NRG3: variants seen among roughly 807,000 people sequenced by gnomAD.
NRG3 encodes neuregulin 3.
Under a neutral mutation model 66.9 loss-of-function variants are expected in NRG3, and 31 were observed. That is an observed-to-expected ratio of 0.46 (90% CI 0.35 to 0.63). The LOEUF (loss-of-function observed/expected upper bound fraction) is 0.63, where lower values mean the gene tolerates loss of function less well. Among genes scored for constraint, NRG3 ranks in the 20% least tolerant of loss-of-function variants. The pLI, the probability that NRG3 is intolerant of heterozygous loss-of-function variation, is 0.00. For missense variants in NRG3, 910 were observed against 878.9 expected, an observed-to-expected ratio of 1.04 and a Z score of -0.45; for synonymous variants, 393 against 359.4, an observed-to-expected ratio of 1.09 and a Z score of -1.06.
intron 1 of NRG3, among the ~76,000 whole-genome samples, chr10:82,095,059 G>A (rs1050923667): frequency 2.6e-5 from 4 of 152,092 alleles, no homozygotes; most frequent in African/African-American, 9.7e-5. Context: ...AAAACCTGGA[G>A]CTTTCCCTTG....
chr10:82,726,958 A>G (rs373231265), intron 2 of NRG3, among the ~76,000 whole-genome samples: 97 of 152,266 alleles, frequency 6.4e-4, no homozygotes, highest in African/African-American at 2.3e-3. Context: ...GTTATGTTTT[A>G]CAAAGAGACT....
chr10:82,922,872 A>G (rs1388433707), intron 4 of NRG3, among the ~76,000 whole-genome samples: 1 of 152,154 alleles, frequency 6.6e-6, no homozygotes, highest in Admixed American at 6.5e-5. Flanking sequence ...ATCACCATCC[A>G]TCCATTGACC....
intron 1 of NRG3, among the ~76,000 whole-genome samples, chr10:82,131,522 T>A (rs2068816144): frequency 4.6e-5 from 1 of 21,740 alleles, no homozygotes; most frequent in South Asian, 3.2e-3. Context: ...GTATTCTGGG[T>A]CTTTTGTGGT....
chr10:82,668,299 T>C (rs997610333), intron 2 of NRG3, among the ~76,000 whole-genome samples: 17 of 152,346 alleles, frequency 1.1e-4, no homozygotes, highest in Middle Eastern at 3.4e-3. Context: ...GAGCCAATAA[T>C]AACCACTCTT....
intron 6 of NRG3, among the ~76,000 whole-genome samples, chr10:82,961,816 C>T (rs1188319854): frequency 1.3e-5 from 2 of 152,130 alleles, no homozygotes; most frequent in Non-Finnish European, 2.9e-5. Flanking sequence ...CACCAAGCTT[C>T]CCACCGCAGG....
At chr10:81,940,136 A>G (rs1246574249) in intron 1 of NRG3, among the ~76,000 whole-genome samples, 1 of 152,106 alleles carries the variant, frequency 6.6e-6, no homozygotes, top group Non-Finnish European at 1.5e-5. Context: ...AAGATGCTTA[A>G]TATTAGTTCA....
chr10:81,906,226 C>T (rs1844593182), intron 1 of NRG3, among the ~76,000 whole-genome samples: 1 of 152,020 alleles, frequency 6.6e-6, no homozygotes, highest in Non-Finnish European at 1.5e-5. Context: ...TCATCATCAT[C>T]ATCATCATGT....
rs1251109253 is a variant in NRG3 at position 82,176,906 on chromosome 10, A to ACACACACACAC, written c.824-181833_824-181832insCACACACACAC. Among the ~76,000 whole-genome samples the ACACACACACAC allele has an allele frequency of 2.6e-3, 132 of 51,578 alleles. 3 individuals carry two copies. The East Asian group carries it at 0.037, about 14-fold the overall frequency. 33.8% of individuals were successfully genotyped at this position (51,578 alleles called of 152,430 possible). On this transcript the variant is annotated intron_variant, in intron 1 of 8. Coordinates refer to ENST00000372141, the MANE Select transcript of NRG3 (RefSeq NM_001010848.4). The stretch of plus-strand genomic sequence containing the variant: ...ACACACACACACACACACACACACA[A>ACACACACACAC]ACACACACACACACTCGGAGGGTTT...
At chr10:82,639,117 T>A (rs913025703) in intron 2 of NRG3, among the ~76,000 whole-genome samples, 5 of 152,202 alleles carry the variant, frequency 3.3e-5, no homozygotes, top group Non-Finnish European at 7.3e-5. Flanking sequence ...AAACACAGGA[T>A]ACCATTGTCT....
intron 2 of NRG3, among the ~76,000 whole-genome samples, chr10:82,468,517 G>A (rs1199028686): frequency 6.6e-6 from 1 of 152,156 alleles, no homozygotes; most frequent in African/African-American, 2.4e-5. Flanking sequence ...CCATCTCCCT[G>A]CTGACCACCA....
Position 82,296,197 on chromosome 10 carries a change from T to C in NRG3, c.824-62542T>C, listed in dbSNP as rs149336830. Among the ~76,000 whole-genome samples the C allele has an allele frequency of 4.7e-3, 718 of 152,270 alleles. 6 individuals are homozygous for C. The highest frequency in any genetic ancestry group is 0.017 in the African/African-American group (688 of 41,556). On this transcript the variant is annotated intron_variant, in intron 1 of 8. Coordinates refer to ENST00000372141, the MANE Select transcript of NRG3 (RefSeq NM_001010848.4). ...GGGTGTGGTAAATGTAAAGTCAGTG[T>C]GGCCGCAGCTCAGAGAGGAAGAGGA...
intron 2 of NRG3, among the ~76,000 whole-genome samples, chr10:82,397,759 T>C (rs2086805357): frequency 6.6e-6 from 1 of 152,200 alleles, no homozygotes; most frequent in Non-Finnish European, 1.5e-5. Flanking sequence ...CTTTTTAAGA[T>C]AGATAACATC....
intron 1 of NRG3, among the ~76,000 whole-genome samples, chr10:81,933,097 C>T (rs1437961324): frequency 1.1e-4 from 16 of 140,220 alleles, no homozygotes; most frequent in African/African-American, 2.4e-4. Flanking sequence ...AACAGAGCAA[C>T]GCTCCATCTC....
At chr10:82,215,098 A>T (rs1483425116) in intron 1 of NRG3, among the ~76,000 whole-genome samples, 7 of 152,142 alleles carry the variant, frequency 4.6e-5, no homozygotes, top group Non-Finnish European at 7.3e-5. Flanking sequence ...GTAGAAATTA[A>T]TTTTTTCAAT....
intron 2 of NRG3, among the ~76,000 whole-genome samples, chr10:82,364,289 A>T (rs576616024): frequency 6.6e-6 from 1 of 152,312 alleles, no homozygotes; most frequent in African/African-American, 2.4e-5. Context: ...TTTTATTAAT[A>T]ATTCATTGAT....
At chr10:82,226,173 G>A (rs1197553252) in intron 1 of NRG3, among the ~76,000 whole-genome samples, 3 of 152,108 alleles carry the variant, frequency 2.0e-5, no homozygotes, top group African/African-American at 7.2e-5. Context: ...TTTCCCTAAA[G>A]GAGAAGCAAT....
At position 82,943,461 on chromosome 10, in the gene NRG3, G is replaced by T. The variant is rs1442418560; in HGVS notation, c.1055-8008G>T. ...AGGGAAGCCAATGATGTGATTCTCA[G>T]TCTGAGGCCAAAGGCTTGAGAACCC... On this transcript the variant is annotated intron_variant, in intron 4 of 8. Transcript: ENST00000372141. Among the ~76,000 whole-genome samples, 6 of 152,298 alleles carry T rather than the reference G, an allele frequency of 3.9e-5. No individual in the cohort carries two copies. In the East Asian group the frequency reaches 1.2e-3, roughly 29 times the overall value.
chr10:82,767,236 A>G (rs1008364136), intron 3 of NRG3, among the ~76,000 whole-genome samples: 1 of 151,880 alleles, frequency 6.6e-6, no homozygotes, highest in Admixed American at 6.6e-5. Flanking sequence ...CTATCACACA[A>G]ACAGATACCT....
chr10:81,939,319 G>T (rs1470316202), intron 1 of NRG3, among the ~76,000 whole-genome samples: 1 of 152,020 alleles, frequency 6.6e-6, no homozygotes, highest in African/African-American at 2.4e-5. Context: ...CAAGTTTTTA[G>T]AAGAGTTTGG....
Sources: allele counts gnomAD v4.1 joint callset (sites outside exome capture counted in the v4.1 genomes callset), GRCh38; gene constraint gnomAD v4.1.1; transcripts MANE v1.5; gene names NCBI Gene and HGNC (gene_info 2026-07-23, HGNC 2026-07-21).